Variants in TGM2 observed in about 807,000 individuals in gnomAD.
The protein encoded by TGM2 is protein-glutamine gamma-glutamyltransferase 2.
Under a neutral mutation model 75.6 loss-of-function variants are expected in TGM2, and 53 were observed. The observed-to-expected ratio is 0.70, with a 90% CI of 0.56 to 0.88. The LOEUF (loss-of-function observed/expected upper bound fraction) is 0.88, where lower values mean the gene tolerates loss of function less well. TGM2 is among the 40% of genes least tolerant of loss of function. The pLI is 0.00. For missense variants in TGM2, 842 were observed against 928.5 expected (o/e 0.91, Z 1.21); for synonymous variants, 374 against 381.1 (o/e 0.98, Z 0.22).
Position 38,149,678 on chromosome 20 carries a change from C to CAAAAAAAAAAAAAAAAAAAAAAAAAAA in TGM2, c.552+1260_552+1261insTTTTTTTTTTTTTTTTTTTTTTTTTTT, listed in dbSNP as rs1199376180. 8.9e-4 allele frequency among the ~76,000 whole-genome samples: 36 copies of CAAAAAAAAAAAAAAAAAAAAAAAAAAA among 40,428 alleles called. 2 individuals carry two copies. Among genetic ancestry groups the CAAAAAAAAAAAAAAAAAAAAAAAAAAA allele is most frequent in the East Asian group, 5.0e-3 (6 of 1,194 alleles). 26.5% of individuals were successfully genotyped at this position (40,428 alleles called of 152,430 possible). ...TGGGCAACAGAGCGAGACTCCGCCT[C>CAAAAAAAAAAAAAAAAAAAAAAAAAAA]AAAAAAAAAAAAAAAAAAAAAAACA... On this transcript the variant is annotated intron_variant, in intron 4 of 12. Transcript: ENST00000361475.
intron 8 of TGM2, 36 bp downstream of exon 8, chr20:38,141,246 C>T: frequency 6.6e-7 from 1 of 1,511,404 alleles, no homozygotes; most frequent in Middle Eastern, 1.7e-4. Context: ...CCTCGTCTTC[C>T]CCATCTGTTT....
chr20:38,159,308 G>A (rs549428648), intron 2 of TGM2, among the ~76,000 whole-genome samples: 18 of 152,228 alleles, frequency 1.2e-4, no homozygotes, highest in East Asian at 1.9e-4. Flanking sequence ...GAGAAATGAC[G>A]AGAACATATG....
At chr20:38,135,382 G>A (rs555524202) in intron 10 of TGM2, among the ~76,000 whole-genome samples, 158 of 143,792 alleles carry the variant, frequency 1.1e-3, no homozygotes, top group African/African-American at 3.7e-3. Context: ...TAACAAAACC[G>A]CACTTGGACC....
chr20:38,140,611 C>A (rs548508745), intron 8 of TGM2, among the ~76,000 whole-genome samples: 38 of 152,298 alleles, frequency 2.5e-4, no homozygotes, highest in East Asian at 1.3e-3. Flanking sequence ...GTCATTACAA[C>A]CTTACAGCTG....
In TGM2 at chr20:38,139,395, A is replaced by G. The variant is rs2074940872; in HGVS notation, c.1342+17T>C. ...GCTTATCTTCAAGGCTGCATTAAAG[A>G]CTCTGAGGGCACATACCCTCTGGGT... On this transcript the variant is annotated intron_variant, in intron 9 of 12. Coordinates refer to ENST00000361475, the MANE Select transcript of TGM2 (RefSeq NM_004613.4). 1 of 1,613,684 alleles carries G rather than the reference A, an allele frequency of 6.2e-7. No homozygotes were observed. The highest frequency in any genetic ancestry group is 1.7e-5 in the Admixed American group (1 of 59,954).
intron 12 of TGM2, 109 bp from the exon 13 acceptor site, chr20:38,130,478 ATGAATGGGCCTCATTCT>A: frequency 8.1e-7 from 1 of 1,237,672 alleles, no homozygotes; most frequent in Non-Finnish European, 1.1e-6. Flanking sequence ...CAGCGTGTCC[ATGAATGGGCCTCATTCT>A]CGGCCCTCTG....
chr20:38,147,091 G>T (rs961131856), intron 5 of TGM2, among the ~76,000 whole-genome samples, 197 bp from the exon 6 acceptor site: 1 of 152,092 alleles, frequency 6.6e-6, no homozygotes, highest in East Asian at 1.9e-4. Flanking sequence ...GGGACAGGAG[G>T]GAGATGGGGA....
upstream of TGM2, among the ~76,000 whole-genome samples, chr20:38,165,671 A>AAC (rs71833660): frequency 0.062 from 8,888 of 143,058 alleles, 291 homozygotes; most frequent in African/African-American, 0.091. Context: ...CCCCACCCCC[A>AAC]ACACACACAC....
chr20:38,150,430 G>T (rs1266440522), intron 4 of TGM2, among the ~76,000 whole-genome samples: 1 of 152,214 alleles, frequency 6.6e-6, no homozygotes, highest in Non-Finnish European at 1.5e-5. Context: ...CAGATCAGCA[G>T]TTCCCAAAGT....
intron 7 of TGM2, 97 bp from the exon 8 acceptor site, chr20:38,141,482 G>A: frequency 3.2e-6 from 3 of 949,588 alleles, no homozygotes; most frequent in Non-Finnish European, 5.0e-6. Context: ...CCAGATGCAA[G>A]CTCGCCTCGT....
intron 8 of TGM2, among the ~76,000 whole-genome samples, chr20:38,140,936 T>C (rs2074964298): frequency 6.6e-6 from 1 of 152,176 alleles, no homozygotes; most frequent in African/African-American, 2.4e-5. Context: ...TACATACATA[T>C]ATAAACACAC....
chr20:38,164,167 A>G (rs952122470), intron 1 of TGM2, among the ~76,000 whole-genome samples: 8 of 152,174 alleles, frequency 5.3e-5, no homozygotes, highest in Non-Finnish European at 1.2e-4. Flanking sequence ...GAGGCGACAC[A>G]TCACAGTGTG....
intron 5 of TGM2, 146 bp downstream of exon 5, chr20:38,147,815 A>C: frequency 8.3e-7 from 1 of 1,199,984 alleles, no homozygotes; most frequent in South Asian, 1.4e-5. Context: ...TGCAAATCTT[A>C]TCTTTCCAAT....
In TGM2 at chr20:38,127,385, C is replaced by T. The variant is rs992390718; in HGVS notation, c.*2834G>A. The stretch of plus-strand genomic sequence containing the variant: ...ACAGAAGGATTCGGCACCCAGAACA[C>T]GTGATGTCATGTTTTTATTTTGATT... On this transcript the variant is annotated 3_prime_UTR_variant, in exon 13 of 13. Transcript: ENST00000361475. The T allele has an allele frequency of 1.7e-5, 17 of 984,978 alleles. No individual in the cohort carries two copies. In the African/African-American group the frequency reaches 2.6e-4, roughly 15 times the overall value. 61.0% of individuals were successfully genotyped at this position (984,978 alleles called of 1,614,324 possible). A position where few individuals can be genotyped will look rare whatever the true frequency, so the allele number is the denominator to read the frequency against.
In TGM2 at chr20:38,130,116, C is replaced by T; in HGVS notation, c.*103G>A. 6.6e-7 allele frequency: 1 copy of T among 1,523,872 alleles called. No individual in the cohort carries two copies. The highest frequency in any genetic ancestry group is 8.9e-7 in the Non-Finnish European group (1 of 1,122,808). 94.4% of individuals were successfully genotyped at this position (1,523,872 alleles called of 1,614,324 possible). On this transcript the variant is annotated 3_prime_UTR_variant, in exon 13 of 13. Coordinates refer to ENST00000361475, the MANE Select transcript of TGM2 (RefSeq NM_004613.4). ...GAGCCCCCATAGGCTGCCCACCCTG[C>T]CCTGGGGTCTGGGGCCCAAGAAGGG...
intron 10 of TGM2, among the ~76,000 whole-genome samples, chr20:38,134,777 G>A (rs1158841828): frequency 6.6e-6 from 1 of 152,212 alleles, no homozygotes; most frequent in African/African-American, 2.4e-5. Context: ...GGGGGCAACT[G>A]GATTCCTTTC....
In TGM2 at chr20:38,141,394, G is replaced by C. The variant is rs1273923972; in HGVS notation, c.996-9C>G. ...CCCAGCAGTGGAAGTTCCTGAGGGG[G>C]ATAGGGGGGCGGGAATGAAGCAGAA... On this transcript the variant is annotated splice_polypyrimidine_tract_variant and intron_variant, in intron 7 of 12. Coordinates refer to ENST00000361475, the MANE Select transcript of TGM2 (RefSeq NM_004613.4). 4.5e-6 allele frequency: 7 copies of C among 1,564,842 alleles called. No individual in the cohort carries two copies. Among genetic ancestry groups the C allele is most frequent in the Non-Finnish European group, 6.1e-6 (7 of 1,152,852 alleles).
chr20:38,132,921 T>TG (rs1439257775), intron 10 of TGM2: 1 of 451,304 alleles, frequency 2.2e-6, no homozygotes, highest in Non-Finnish European at 4.5e-6. Flanking sequence ...CCCTTCATCC[T>TG]GGGGAGGATC....
At chr20:38,134,544 G>A (rs1356235793) in intron 10 of TGM2, among the ~76,000 whole-genome samples, 1 of 152,214 alleles carries the variant, frequency 6.6e-6, no homozygotes, top group Non-Finnish European at 1.5e-5. Context: ...CACGGCCTTG[G>A]TCTTGGGCCA....
Sources: allele counts gnomAD v4.1 joint callset (sites outside exome capture counted in the v4.1 genomes callset), GRCh38; gene constraint gnomAD v4.1.1; transcripts MANE v1.5; gene names NCBI Gene and HGNC (gene_info 2026-07-23, HGNC 2026-07-21).